PRPS1: variants seen among roughly 807,000 people sequenced by gnomAD.
PRPS1 encodes ribose-phosphate pyrophosphokinase 1.
In PRPS1, 1 loss-of-function variant was observed where a neutral mutation model predicts 16.9. The ratio of observed to expected loss-of-function variants is 0.06; its 90% CI spans 0.02 to 0.28. The LOEUF is 0.28. Among genes scored for constraint, PRPS1 ranks in the 10% least tolerant of loss-of-function variants. The pLI is 1.00. For missense variants in PRPS1, 47 were observed against 254.0 expected, an observed-to-expected ratio of 0.19 and a Z score of 5.54; for synonymous variants, 70 against 90.2, an observed-to-expected ratio of 0.78 and a Z score of 1.27.
chrX:107,637,186 G>A (rs931031190), intron 1 of PRPS1, among the ~76,000 whole-genome samples: 2 of 110,266 alleles, frequency 1.8e-5, no homozygotes, highest in African/African-American at 3.3e-5. Flanking sequence ...GTAGAGACCC[G>A]AGTATGGGCA....
chrX:107,640,174 T>G (rs766648581), intron 2 of PRPS1, among the ~76,000 whole-genome samples: 105 of 112,220 alleles, frequency 9.4e-4, no homozygotes, highest in Non-Finnish European at 1.8e-3. Flanking sequence ...ACTCCGTCTC[T>G]ACTAAAATAC....
intron 4 of PRPS1, among the ~76,000 whole-genome samples, chrX:107,644,722 T>C (rs1925651768): frequency 8.9e-6 from 1 of 112,237 alleles, no homozygotes. Context: ...AAGTCAATGA[T>C]AGTTGCTTTC....
At chrX:107,647,260 T>TCACACA (rs1223761076) in intron 5 of PRPS1, among the ~76,000 whole-genome samples, 1 of 112,114 alleles carries the variant, frequency 8.9e-6, no homozygotes, top group Non-Finnish European at 1.9e-5. Flanking sequence ...ACACTCACAC[T>TCACACA]CACACACAAA....
chrX:107,646,820 T>G (rs1399699474), intron 5 of PRPS1, among the ~76,000 whole-genome samples: 1 of 112,268 alleles, frequency 8.9e-6, no homozygotes, highest in Non-Finnish European at 1.9e-5. Context: ...TTTTGTTAAG[T>G]CCAACCAAAA....
chrX:107,642,107 C>A (rs1642555725), intron 3 of PRPS1, among the ~76,000 whole-genome samples: 1 of 112,133 alleles, frequency 8.9e-6, no homozygotes, highest in Admixed American at 9.5e-5. Context: ...CTGAACTTAG[C>A]CATTCTTTAC....
intron 1 of PRPS1, among the ~76,000 whole-genome samples, chrX:107,637,909 A>T: frequency 9.4e-6 from 1 of 106,762 alleles, no homozygotes; most frequent in Non-Finnish European, 1.9e-5. Context: ...AAATCTGCAG[A>T]TATGAAATAG....
rs770308633 is a variant in PRPS1, at chrX:107,640,109, C to T, written c.306+631C>T. ...ATCCTAGCACTTTGGGAGGCCGAGGCGGGAGGATTGCCTGAGCTCAGGAGT... is the reference window on the plus strand; with the variant it reads ...ATCCTAGCACTTTGGGAGGCCGAGGTGGGAGGATTGCCTGAGCTCAGGAGT... On this transcript the variant is annotated intron_variant, in intron 2 of 6. Transcript: ENST00000372435. Among the ~76,000 whole-genome samples the T allele has an allele frequency of 5.3e-5, 6 of 112,599 alleles. No individual in the cohort carries two copies. In the East Asian group the frequency reaches 1.4e-3, roughly 26 times the overall value.
intron 1 of PRPS1, among the ~76,000 whole-genome samples, chrX:107,635,919 G>T (rs918205172): frequency 4.6e-5 from 5 of 108,149 alleles, no homozygotes; most frequent in African/African-American, 1.7e-4. Context: ...AATTAGCTGG[G>T]CGTGGTGGCG....
chrX:107,635,690 A>G (rs1279383979), intron 1 of PRPS1, among the ~76,000 whole-genome samples: 1 of 110,603 alleles, frequency 9.0e-6, no homozygotes, highest in Non-Finnish European at 1.9e-5. Context: ...CTGCCTCCCA[A>G]CCACAGACTT....
chrX:107,645,468 AGATTTTTATCACCCAAG>A, intron 5 of PRPS1, 118 bp downstream of exon 5: 1 of 873,525 alleles, frequency 1.1e-6, no homozygotes, highest in Non-Finnish European at 1.7e-6. Context: ...TAACTTTGTG[AGATTTTTATCACCCAAG>A]GCTTAAATTA....
chrX:107,630,344 G>A (rs1356303212), intron 1 of PRPS1: 3 of 112,170 alleles, frequency 2.7e-5, no homozygotes, highest in African/African-American at 6.5e-5. Context: ...AGGCATGAAA[G>A]CTTTATTTTC....
chrX:107,647,489 A>AT, intron 5 of PRPS1, 117 bp from the exon 6 acceptor site: 17 of 834,848 alleles, frequency 2.0e-5, no homozygotes, highest in Non-Finnish European at 2.5e-5. Context: ...TTATTTTTTT[A>AT]TTTTTTTTCA....
Position 107,650,774 on chromosome X carries a change from A to G in PRPS1, c.*742A>G. The G allele has an allele frequency of 3.4e-6, 1 of 297,142 alleles. No homozygotes were observed. Among genetic ancestry groups the G allele is most frequent in the East Asian group, 4.8e-5 (1 of 21,015 alleles). 24.5% of individuals were successfully genotyped at this position (297,142 alleles called of 1,213,427 possible). ...TACCATAGTCTTCTGGAAAGCAAAC[A>G]TGCTTCCTGCTATGTAATTGCTAAC... On this transcript the variant is annotated 3_prime_UTR_variant, in exon 7 of 7. Transcript: ENST00000372435.
At chrX:107,638,513 G>C (rs1298472340) in intron 1 of PRPS1, among the ~76,000 whole-genome samples, 6 of 111,904 alleles carry the variant, frequency 5.4e-5, no homozygotes, top group African/African-American at 1.9e-4. Context: ...CAAAGTGCTG[G>C]GATTATAGGC....
intron 1 of PRPS1, among the ~76,000 whole-genome samples, 199 bp from the exon 2 acceptor site, chrX:107,639,096 C>A (rs368386568): frequency 8.9e-6 from 1 of 111,809 alleles, no homozygotes; most frequent in African/African-American, 3.2e-5. Context: ...ATAAATACTA[C>A]GTAAATAGTT....
At chrX:107,639,199 C>T (rs1042174349) in intron 1 of PRPS1, 96 bp from the exon 2 acceptor site, 1 of 1,015,636 alleles carries the variant, frequency 9.8e-7, no homozygotes, top group Non-Finnish European at 1.4e-6. Context: ...TCAATCCACA[C>T]TTGGTTGAAT....
chrX:107,640,574 A>G (rs1375987556), intron 2 of PRPS1, among the ~76,000 whole-genome samples: 1 of 112,233 alleles, frequency 8.9e-6, no homozygotes, highest in Non-Finnish European at 1.9e-5. Flanking sequence ...ATTTTAATAA[A>G]ATTATTTTTT....
intron 1 of PRPS1, among the ~76,000 whole-genome samples, chrX:107,635,952 C>T (rs1038161180): frequency 4.6e-4 from 47 of 102,736 alleles, no homozygotes; most frequent in African/African-American, 1.6e-3. Flanking sequence ...TCCAGCTACT[C>T]GGGAGGCTGA....
intron 1 of PRPS1, among the ~76,000 whole-genome samples, chrX:107,635,445 A>AT (rs397896027): frequency 0.074 from 7,411 of 99,545 alleles, 470 homozygotes; most frequent in African/African-American, 0.2. Context: ...AAATTTTCTG[A>AT]TTTTTTTTTT....
Sources: allele counts gnomAD v4.1 joint callset (sites outside exome capture counted in the v4.1 genomes callset), GRCh38; gene constraint gnomAD v4.1.1; transcripts MANE v1.5; gene names NCBI Gene and HGNC (gene_info 2026-07-23, HGNC 2026-07-21).